UBE4A: variants seen among roughly 807,000 people sequenced by gnomAD.
The protein encoded by UBE4A is ubiquitin conjugation factor E4 A.
UBE4A carries 48 observed loss-of-function variants against 117.9 expected under a neutral mutation model. The ratio of observed to expected loss-of-function variants is 0.41; its 90% CI spans 0.32 to 0.52. The LOEUF (loss-of-function observed/expected upper bound fraction) is 0.52. Among genes scored for constraint, UBE4A ranks in the 20% least tolerant of loss-of-function variants. The pLI is 0.33. For missense variants in UBE4A, 1,067 were observed against 1,296.3 expected (o/e 0.82, Z 2.72); for synonymous variants, 407 against 450.0 (o/e 0.90, Z 1.21).
intron 19 of UBE4A, among the ~76,000 whole-genome samples, chr11:118,394,928 C>T (rs552775721): frequency 3.7e-4 from 57 of 152,248 alleles, no homozygotes; most frequent in African/African-American, 1.3e-3. Flanking sequence ...GATGGCAGCA[C>T]TGCACTCCTG....
chr11:118,380,771 T>C (rs782096987), intron 11 of UBE4A, among the ~76,000 whole-genome samples: 13 of 152,186 alleles, frequency 8.5e-5, no homozygotes, highest in Non-Finnish European at 4.4e-5. Flanking sequence ...TTGACAGGCC[T>C]CAGTTGCTTG....
intron 15 of UBE4A, among the ~76,000 whole-genome samples, chr11:118,385,742 A>G (rs1282883666): frequency 6.6e-6 from 1 of 152,230 alleles, no homozygotes; most frequent in Non-Finnish European, 1.5e-5. Context: ...TATGATCAGC[A>G]ATCCCCTGAG....
chr11:118,386,310 T>A, intron 15 of UBE4A, 128 bp from the exon 16 acceptor site: 3 of 1,008,032 alleles, frequency 3.0e-6, no homozygotes, highest in Non-Finnish European at 4.2e-6. Flanking sequence ...AAATAAAGGC[T>A]CATGTCTTTT....
intron 19 of UBE4A, among the ~76,000 whole-genome samples, chr11:118,394,962 G>T (rs1029612358): frequency 1.3e-5 from 2 of 151,986 alleles, no homozygotes; most frequent in Non-Finnish European, 2.9e-5. Context: ...GCAAGACACC[G>T]TCTCTAAATA....
In UBE4A at chr11:118,396,509, T is replaced by C. The variant is rs537606677; in HGVS notation, c.*69T>C. The C allele has an allele frequency of 1.3e-6, 2 of 1,539,702 alleles. No homozygotes were observed. Among genetic ancestry groups the C allele is most frequent in the Admixed American group, 2.3e-5 (1 of 44,158 alleles). On this transcript the variant is annotated 3_prime_UTR_variant, in exon 20 of 20. Coordinates refer to ENST00000252108, the MANE Select transcript of UBE4A (RefSeq NM_001204077.2). ...TAAACAATTGTTTGTGGTTTCTCTC[T>C]TTCTGGTTCTGTTCCTTTTCTTTCT... is the stretch of plus-strand genomic sequence containing the variant.
Position 118,396,539 on chromosome 11 carries a change from T to G in UBE4A, c.*99T>G, listed in dbSNP as rs1316274851. On this transcript the variant is annotated 3_prime_UTR_variant, in exon 20 of 20. Transcript: ENST00000252108. ...GGTTCTGTTCCTTTTCTTTCTTCTT[T>G]TCTTTTTCTTTTTTTTTTTTTTTTT... The G allele has an allele frequency of 3.6e-6, 5 of 1,389,686 alleles. No homozygotes were observed. Among genetic ancestry groups the G allele is most frequent in the Non-Finnish European group, 3.8e-6 (4 of 1,050,922 alleles). 86.1% of individuals were successfully genotyped at this position (1,389,686 alleles called of 1,614,324 possible).
In UBE4A at chr11:118,369,417, TC is replaced by T; in HGVS notation, c.296-3del. Reference sequence around the variant, plus strand: ...CTTAACCTATCATATTAAAACCATTTCCCAGGTGATCCCAGCTTGAAAAGCG... The same window carrying T: ...CTTAACCTATCATATTAAAACCATTTCCAGGTGATCCCAGCTTGAAAAGCG... On this transcript the variant is annotated splice_region_variant and splice_polypyrimidine_tract_variant and intron_variant, in intron 3 of 19. Transcript: ENST00000252108. The T allele has an allele frequency of 6.8e-6, 11 of 1,610,320 alleles. No homozygotes were observed. The highest frequency in any genetic ancestry group is 9.3e-6 in the Non-Finnish European group (11 of 1,176,592).
Position 118,396,478 on chromosome 11 carries a change from T to C in UBE4A, c.*38T>C, listed in dbSNP as rs782812330. 6.3e-7 allele frequency: 1 copy of C among 1,591,986 alleles called. No individual in the cohort carries two copies. The highest frequency in any genetic ancestry group is 1.1e-5 in the South Asian group (1 of 86,980). On this transcript the variant is annotated 3_prime_UTR_variant, in exon 20 of 20. Transcript: ENST00000252108. ...AACCAAACCAAAACCAACCCCAGAG[T>C]GCAGATAAACAATTGTTTGTGGTTT...
intron 13 of UBE4A, among the ~76,000 whole-genome samples, chr11:118,384,129 G>A (rs1435800709): frequency 6.6e-6 from 1 of 152,188 alleles, no homozygotes; most frequent in Non-Finnish European, 1.5e-5. Context: ...AGCCTGTGGA[G>A]CTCTAGTAAT....
chr11:118,381,444 G>A lies in UBE4A; in HGVS notation c.1930G>A (p.Asp644Asn), dbSNP rs782801060. Residue 644 changes from aspartate (D) to asparagine (N), a missense_variant, in exon 12 of 20, where the codon GAT becomes AAT. Physicochemically the swap from Asp to Asn is conservative, Grantham distance 23. Around this residue, in one of 3 missense-constraint regions of UBE4A, gnomAD observed 1,001 missense variants for 1,184.0 expected, o/e 0.85. Coordinates refer to ENST00000252108, the MANE Select transcript of UBE4A (RefSeq NM_001204077.2). ...TCTCATTTTTCTCCGCCGCTTTGCC[G>A]ATGACATTTTGGAGACATCAGCAGA... ...DFLIFLRRFA[D>N]DILETSADSL... The A allele has an allele frequency of 1.1e-5, 18 of 1,613,936 alleles. No individual in the cohort carries two copies. The highest frequency in any genetic ancestry group is 4.0e-5 in the African/African-American group (3 of 74,878).
At chr11:118,371,454 C>G in intron 4 of UBE4A, 60 bp from the exon 5 acceptor site, 2 of 1,532,794 alleles carry the variant, frequency 1.3e-6, no homozygotes, top group South Asian at 2.5e-5. Context: ...CCTTTTACAT[C>G]TTAATGTTCT....
chr11:118,374,805 A>G, intron 8 of UBE4A, 91 bp from the exon 9 acceptor site: 1 of 1,220,258 alleles, frequency 8.2e-7, no homozygotes, highest in East Asian at 2.5e-5. Flanking sequence ...TAGGATTAGC[A>G]TATTTTTGGA....
chr11:118,384,614 T>C lies in UBE4A; in HGVS notation c.2198-21T>C, dbSNP rs1555126850. ...CTTATGGCACCGCCTTTGCTGATAT[T>C]TCGCTCTTGCCTTACTCCAGGAGAC... On this transcript the variant is annotated intron_variant, in intron 13 of 19. Transcript: ENST00000252108. 3.7e-6 allele frequency: 6 copies of C among 1,607,050 alleles called. No individual in the cohort carries two copies. In the South Asian group the frequency reaches 6.6e-5, roughly 18 times the overall value.
At chr11:118,371,380 C>G (rs749711071) in intron 4 of UBE4A, 134 bp from the exon 5 acceptor site, 8 of 1,142,876 alleles carry the variant, frequency 7.0e-6, no homozygotes, top group Non-Finnish European at 9.6e-6. Flanking sequence ...ATACAGGGCC[C>G]TTTTTTTCTC....
chr11:118,382,670 C>T lies in UBE4A; in HGVS notation c.2091C>T (p.Pro697=), dbSNP rs766639102. 35 of 1,605,474 alleles carry T rather than the reference C, an allele frequency of 2.2e-5. No homozygotes were observed. Among genetic ancestry groups the T allele is most frequent in the Non-Finnish European group, 2.8e-5 (33 of 1,175,360 alleles). ...VMPHLDQTPN[P]LVSSVFHRKR... ...CCCACCTGGATCAGACCCCAAATCC[C>T]TTGGTATCCAGTGTGTTCCACCGGA... The change falls in exon 13 of 20, where the codon CCC becomes CCT. Residue 697 remains proline, a synonymous_variant. Transcript: ENST00000252108.
intron 6 of UBE4A, 109 bp downstream of exon 6, chr11:118,372,775 A>C: frequency 6.7e-7 from 1 of 1,490,766 alleles, no homozygotes; most frequent in South Asian, 1.2e-5. Flanking sequence ...GGTATAAATT[A>C]AGGAGGAGGG....
intron 4 of UBE4A, among the ~76,000 whole-genome samples, chr11:118,371,075 G>C (rs1948604692): frequency 6.6e-6 from 1 of 152,286 alleles, no homozygotes; most frequent in South Asian, 2.1e-4. Context: ...AAAACAGTGC[G>C]TTGTACCTTG....
At chr11:118,392,715 A>G in intron 18 of UBE4A, 23 bp from the exon 19 acceptor site, 1 of 1,607,736 alleles carries the variant, frequency 6.2e-7, no homozygotes, top group Non-Finnish European at 8.5e-7. Flanking sequence ...ATTCACTTTA[A>G]CTACCAGATG....
At chr11:118,387,461 A>G (rs1948770105) in intron 16 of UBE4A, among the ~76,000 whole-genome samples, 1 of 152,222 alleles carries the variant, frequency 6.6e-6, no homozygotes, top group African/African-American at 2.4e-5. Flanking sequence ...ACAGAAGGAA[A>G]AAGATGGAAA....
Sources: allele counts gnomAD v4.1 joint callset (sites outside exome capture counted in the v4.1 genomes callset), GRCh38; gene constraint gnomAD v4.1.1; regional missense constraint gnomAD v4.1.1; transcripts MANE v1.5; gene names NCBI Gene and HGNC (gene_info 2026-07-23, HGNC 2026-07-21).